The following GRID2 variants were observed in gnomAD, a reference collection of about 807,000 sequenced individuals.
GRID2 encodes the protein glutamate ionotropic receptor delta type subunit 2.
Under a neutral mutation model 114.8 loss-of-function variants are expected in GRID2, and 33 were observed. The observed-to-expected ratio is 0.29, with a 90% CI of 0.22 to 0.38. The LOEUF (loss-of-function observed/expected upper bound fraction) is 0.38, where lower values mean the gene tolerates loss of function less well. Among genes scored for constraint, GRID2 ranks in the 10% least tolerant of loss-of-function variants. GRID2 has a pLI of 1.00. For missense variants in GRID2, 1,184 were observed against 1,257.7 expected (o/e 0.94, Z 0.89); for synonymous variants, 505 against 449.9 (o/e 1.12, Z -1.55).
At chr4:93,479,798 A>G (rs1237151145) in intron 11 of GRID2, among the ~76,000 whole-genome samples, 1 of 152,050 alleles carries the variant, frequency 6.6e-6, no homozygotes, top group East Asian at 1.9e-4. Context: ...CAGTCCACTG[A>G]GTCACACACC....
chr4:93,169,862 A>G (rs1738625643), intron 4 of GRID2, among the ~76,000 whole-genome samples: 1 of 152,194 alleles, frequency 6.6e-6, no homozygotes, highest in Non-Finnish European at 1.5e-5. Context: ...ACTTCTACTG[A>G]GATATCTGTA....
At chr4:93,017,667 A>G (rs974361924) in intron 2 of GRID2, among the ~76,000 whole-genome samples, 2 of 151,708 alleles carry the variant, frequency 1.3e-5, no homozygotes, top group African/African-American at 4.8e-5. Context: ...TTAACCAGGC[A>G]TGGTGTTAGG....
At chr4:93,167,665 A>T (rs1435637678) in intron 4 of GRID2, among the ~76,000 whole-genome samples, 1 of 152,220 alleles carries the variant, frequency 6.6e-6, no homozygotes, top group African/African-American at 2.4e-5. Context: ...TAACACATGT[A>T]CTTTATTTGG....
intron 2 of GRID2, among the ~76,000 whole-genome samples, chr4:92,883,324 T>C (rs1560666970): frequency 2.0e-5 from 3 of 152,324 alleles, no homozygotes; most frequent in African/African-American, 7.2e-5. Flanking sequence ...ATGCTCTTGC[T>C]GTTTTTATCA....
intron 3 of GRID2, among the ~76,000 whole-genome samples, chr4:93,106,297 A>T (rs1447167046): frequency 6.6e-6 from 1 of 152,130 alleles, no homozygotes; most frequent in African/African-American, 2.4e-5. Flanking sequence ...AATGATTGTG[A>T]TGTGTGATGA....
intron 1 of GRID2, among the ~76,000 whole-genome samples, chr4:92,503,544 A>G (rs62310677): frequency 0.022 from 3,297 of 152,214 alleles, 56 homozygotes; most frequent in Non-Finnish European, 0.034. Flanking sequence ...TTGATAATGT[A>G]TCACTAAATT....
At chr4:92,815,914 C>CAAAAAAAAA (rs5860292) in intron 2 of GRID2, among the ~76,000 whole-genome samples, 1 of 46,864 alleles carries the variant, frequency 2.1e-5, no homozygotes, top group Non-Finnish European at 3.6e-5. Context: ...GACCCTGTCT[C>CAAAAAAAAA]AAAAAAAAAA....
intron 8 of GRID2, among the ~76,000 whole-genome samples, chr4:93,250,619 C>T (rs1021303555): frequency 1.4e-4 from 20 of 146,156 alleles, no homozygotes; most frequent in Non-Finnish European, 2.1e-4. Context: ...GAGAGCAAAA[C>T]TTTTCTACTG....
intron 2 of GRID2, among the ~76,000 whole-genome samples, chr4:92,624,207 GTATAC>G (rs1730411401): frequency 1.3e-5 from 2 of 151,774 alleles, no homozygotes; most frequent in East Asian, 1.9e-4. Context: ...ATTATCCAAA[GTATAC>G]ACAAGAAACT....
intron 4 of GRID2, among the ~76,000 whole-genome samples, chr4:93,141,564 A>C (rs1304243513): frequency 1.3e-5 from 2 of 152,360 alleles, no homozygotes; most frequent in Non-Finnish European, 2.9e-5. Context: ...CTTTTGAAAA[A>C]AAAAGTCTTT....
At chr4:92,860,141 A>G (rs1475990918) in intron 2 of GRID2, among the ~76,000 whole-genome samples, 4 of 152,118 alleles carry the variant, frequency 2.6e-5, no homozygotes, top group Non-Finnish European at 5.9e-5. Context: ...TAATTTTTAA[A>G]TTGAAGATTA....
At chr4:92,420,054 T>C (rs2110321624) in intron 1 of GRID2, among the ~76,000 whole-genome samples, 1 of 152,240 alleles carries the variant, frequency 6.6e-6, no homozygotes, top group Admixed American at 6.5e-5. Context: ...TTGGGGATTA[T>C]AGAGTTGTTT....
chr4:92,530,018 GAGTA>G (rs1035375536), intron 1 of GRID2, among the ~76,000 whole-genome samples: 3 of 150,880 alleles, frequency 2.0e-5, no homozygotes, highest in South Asian at 2.1e-4. Flanking sequence ...TGTGAAGAAA[GAGTA>G]AGTAAGAAAG....
At chr4:92,980,573 C>G (rs1318338492) in intron 2 of GRID2, among the ~76,000 whole-genome samples, 2 of 151,994 alleles carry the variant, frequency 1.3e-5, no homozygotes, top group African/African-American at 4.8e-5. Context: ...GTAGTAGAGG[C>G]TGTCATTTAT....
intron 13 of GRID2, among the ~76,000 whole-genome samples, chr4:93,542,268 A>T (rs949522191): frequency 6.6e-6 from 1 of 152,124 alleles, no homozygotes; most frequent in Non-Finnish European, 1.5e-5. Flanking sequence ...ATTAATGTTT[A>T]TTGAGTAAAA....
intron 14 of GRID2, among the ~76,000 whole-genome samples, chr4:93,715,527 G>A (rs1350952986): frequency 6.6e-6 from 1 of 152,260 alleles, no homozygotes; most frequent in East Asian, 1.9e-4. Context: ...TGGGCAGTGT[G>A]GCCATTTTCA....
chr4:92,608,704 G>C (rs574883722), intron 2 of GRID2, among the ~76,000 whole-genome samples: 54 of 151,728 alleles, frequency 3.6e-4, no homozygotes, highest in African/African-American at 1.3e-3. Context: ...ATGTACTGTG[G>C]TTCCTTTATA....
At chr4:92,549,708 G>A (rs887894685) in intron 1 of GRID2, among the ~76,000 whole-genome samples, 3 of 152,042 alleles carry the variant, frequency 2.0e-5, no homozygotes, top group African/African-American at 7.2e-5. Context: ...CACAGTTTAG[G>A]TTACAGGTAA....
intron 2 of GRID2, among the ~76,000 whole-genome samples, chr4:93,003,987 T>G (rs1012958293): frequency 6.6e-6 from 1 of 151,960 alleles, no homozygotes; most frequent in Non-Finnish European, 1.5e-5. Context: ...TGTGTGTATT[T>G]ACAATACTTA....
Sources: gnomAD v4.1 joint callset for allele counts (sites outside exome capture counted in the v4.1 genomes callset) on GRCh38, gnomAD v4.1.1 for gene constraint, MANE v1.5 for transcripts, NCBI Gene and HGNC (gene_info 2026-07-23, HGNC 2026-07-21) for gene names.